KCNQ1: variants seen among roughly 807,000 people sequenced by gnomAD.
KCNQ1 encodes the protein potassium voltage-gated channel subfamily KQT member 1.
In KCNQ1, 49 loss-of-function variants were observed where a neutral mutation model predicts 72.4. That is an observed-to-expected ratio of 0.68 (90% CI 0.54 to 0.86). The LOEUF (loss-of-function observed/expected upper bound fraction) is 0.86. Ranked by LOEUF, KCNQ1 falls within the 40% of genes least tolerant of loss-of-function variation. The pLI, the probability that KCNQ1 is intolerant of heterozygous loss-of-function variation, is 0.00. For synonymous variants in KCNQ1, 450 were observed against 412.6 expected (o/e 1.09, Z -1.10); for missense variants, 790 against 945.1 (o/e 0.84, Z 2.15).
Position 2,817,180 on chromosome 11 carries a change from C to T in KCNQ1, c.1795-30587C>T, listed in dbSNP as rs373501190. Among the ~76,000 whole-genome samples the T allele has an allele frequency of 6.6e-5, 10 of 152,342 alleles. No homozygotes were observed. Among genetic ancestry groups the T allele is most frequent in the South Asian group, 4.1e-4 (2 of 4,828 alleles). On this transcript the variant is annotated intron_variant, in intron 15 of 15. Coordinates refer to ENST00000155840, the MANE Select transcript of KCNQ1 (RefSeq NM_000218.3). The surrounding 1 kb of genome is among the most constrained non-coding windows in gnomAD (Gnocchi z 6.1). ...TGCGCACGCTCCTTTCAAGGGTTAA[C>T]GGTGCAAGCTCCTCACGGCACCAGT...
In KCNQ1 at chr11:2,549,462, C is replaced by A. The variant is rs1029536769; in HGVS notation, c.478-21166C>A. 9.2e-5 allele frequency among the ~76,000 whole-genome samples: 14 copies of A among 152,160 alleles called. No individual in the cohort carries two copies. The highest frequency in any genetic ancestry group is 2.7e-4 in the African/African-American group (11 of 41,436). On this transcript the variant is annotated intron_variant, in intron 2 of 15. Coordinates refer to ENST00000155840, the MANE Select transcript of KCNQ1 (RefSeq NM_000218.3). This position sits in a 1 kb window ranked among gnomAD's most constrained non-coding sequence, Gnocchi z 6.2. ...GATTTTCTACCTCAAAGCGATGGAA[C>A]CCAGAAGACATGGGGCCCTCGAGGA... is the stretch of plus-strand genomic sequence containing the variant.
At chr11:2,837,883 C>G (rs910769598) in intron 15 of KCNQ1, among the ~76,000 whole-genome samples, 1 of 152,150 alleles carries the variant, frequency 6.6e-6, no homozygotes, top group African/African-American at 2.4e-5. Flanking sequence ...GCTGGTATCT[C>G]GAGAACAGCA....
At position 2,498,941 on chromosome 11, in the gene KCNQ1, A is replaced by T. The variant is rs1016898560; in HGVS notation, c.387-28987A>T. 1.3e-5 allele frequency among the ~76,000 whole-genome samples: 2 copies of T among 152,150 alleles called. No homozygotes were observed. The highest frequency in any genetic ancestry group is 4.8e-5 in the African/African-American group (2 of 41,440). On this transcript the variant is annotated intron_variant, in intron 1 of 15. Transcript: ENST00000155840. This position sits in a 1 kb window ranked among gnomAD's most constrained non-coding sequence, Gnocchi z 4.8. ...TTGATGGGTGCAGCAACTGCATGCA[A>T]ACTGCATGTTTGCAGTTCCCTCGGC...
At position 2,776,090 on chromosome 11, in the gene KCNQ1, A is replaced by G. The variant is rs163150; in HGVS notation, c.1685+36A>G. On this transcript the variant is annotated intron_variant, in intron 13 of 15. Coordinates refer to ENST00000155840, the MANE Select transcript of KCNQ1 (RefSeq NM_000218.3). ...CCAAACGGCAGCGGGGAGGGTGCCC[A>G]GGTCCTGCCCAGCCCGGCCCCAGCT... 1,030,036 of 1,522,216 alleles carry G rather than the reference A, an allele frequency of 0.68. 349,086 individuals are homozygous for G. Among genetic ancestry groups the G allele is most frequent in the South Asian group, 0.73 (60,827 of 83,486 alleles). 94.3% of individuals were successfully genotyped at this position (1,522,216 alleles called of 1,614,324 possible).
chr11:2,552,813 G>C (rs1031581147), intron 2 of KCNQ1, among the ~76,000 whole-genome samples: 5 of 151,758 alleles, frequency 3.3e-5, no homozygotes, highest in African/African-American at 1.2e-4. Context: ...TCCGATCCAC[G>C]AACACTGTCT....
At chr11:2,722,683 G>A (rs1033789637) in intron 11 of KCNQ1, among the ~76,000 whole-genome samples, 12 of 152,192 alleles carry the variant, frequency 7.9e-5, no homozygotes, top group African/African-American at 2.7e-4. Context: ...CTTCTCACGT[G>A]GTTGGGAGTC....
chr11:2,571,216 C>A (rs1390075770), intron 3 of KCNQ1, 109 bp from the exon 4 acceptor site: 6 of 900,080 alleles, frequency 6.7e-6, no homozygotes, highest in South Asian at 1.3e-5. Context: ...CAGGGCGTGA[C>A]CCGTCTGACC....
chr11:2,474,759 CT>C (rs1354971582), intron 1 of KCNQ1, among the ~76,000 whole-genome samples: 8 of 61,888 alleles, frequency 1.3e-4, no homozygotes, highest in African/African-American at 3.0e-4. Context: ...GCTGGTGGGA[CT>C]AGGTTAAGGC....
rs977577944 is a variant in KCNQ1 at position 2,695,491 on chromosome 11, C to T, written c.1514+33410C>T. The T allele has an allele frequency of 5.0e-6, 2 of 398,546 alleles. No homozygotes were observed. Among genetic ancestry groups the T allele is most frequent in the African/African-American group, 2.1e-5 (1 of 48,600 alleles). 24.7% of individuals were successfully genotyped at this position (398,546 alleles called of 1,614,324 possible). A position where few individuals can be genotyped will look rare whatever the true frequency, so the allele number is the denominator to read the frequency against. On this transcript the variant is annotated intron_variant, in intron 11 of 15. Transcript: ENST00000155840. The surrounding 1 kb of genome is among the most constrained non-coding windows in gnomAD (Gnocchi z 5.2). ...ACGCGTCTCTATCTTGTGAAGTGTA[C>T]ATCTAGTCCCCTGCTCCTAACCACA...
chr11:2,729,885 G>A (rs1254683069), intron 11 of KCNQ1, among the ~76,000 whole-genome samples: 1 of 152,146 alleles, frequency 6.6e-6, no homozygotes, highest in Non-Finnish European at 1.5e-5. Flanking sequence ...TTGTGGATGG[G>A]GTCGTGGAGG....
chr11:2,593,075 T>C lies in KCNQ1; in HGVS notation c.1393+4221T>C, dbSNP rs1422093754. Among the ~76,000 whole-genome samples, 2 of 152,110 alleles carry C rather than the reference T, an allele frequency of 1.3e-5. No homozygotes were observed. The highest frequency in any genetic ancestry group is 4.8e-5 in the African/African-American group (2 of 41,434). On this transcript the variant is annotated intron_variant, in intron 10 of 15. Coordinates refer to ENST00000155840, the MANE Select transcript of KCNQ1 (RefSeq NM_000218.3). The surrounding 1 kb of genome is among the most constrained non-coding windows in gnomAD (Gnocchi z 6.9). ...ACCAGGTTGTCCAGTCCCCTCCTCA[T>C]AGGGGAGTGGCCCTTTGTCTTTCAC...
chr11:2,844,935 C>T (rs910479801), intron 15 of KCNQ1, among the ~76,000 whole-genome samples: 1 of 152,238 alleles, frequency 6.6e-6, no homozygotes, highest in Non-Finnish European at 1.5e-5. Context: ...GTATGCGGGG[C>T]CCAGGGAGCT....
rs116118799 is a variant in KCNQ1 at position 2,628,048 on chromosome 11, A to T, written c.1394-33913A>T. The T allele has an allele frequency of 4.7e-3, 1,886 of 398,568 alleles. 33 individuals are homozygous for T. Among genetic ancestry groups the T allele is most frequent in the African/African-American group, 0.035 (1,721 of 48,744 alleles). 24.7% of individuals were successfully genotyped at this position (398,568 alleles called of 1,614,324 possible). A position where few individuals can be genotyped will look rare whatever the true frequency, so the allele number is the denominator to read the frequency against. ...ATTACAGGTACAAGCCACCATGCCT[A>T]TGAATACTATGTTGCTCATTTCTTG... is the stretch of plus-strand genomic sequence containing the variant. On this transcript the variant is annotated intron_variant, in intron 10 of 15. Coordinates refer to ENST00000155840, the MANE Select transcript of KCNQ1 (RefSeq NM_000218.3).
chr11:2,577,464 G>A (rs1224174053), intron 6 of KCNQ1, among the ~76,000 whole-genome samples: 1 of 152,186 alleles, frequency 6.6e-6, no homozygotes, highest in Non-Finnish European at 1.5e-5. Context: ...GGAAGACGCG[G>A]CCTGGGGCCT....
intron 11 of KCNQ1, among the ~76,000 whole-genome samples, chr11:2,702,870 C>G (rs1009204273): frequency 6.6e-6 from 1 of 152,220 alleles, no homozygotes; most frequent in African/African-American, 2.4e-5. Flanking sequence ...ATGTCCTCTG[C>G]TCCTCACCCC....
In KCNQ1 at chr11:2,507,361, C is replaced by T. The variant is rs184161755; in HGVS notation, c.387-20567C>T. Reference sequence around the variant, plus strand: ...GAGTGTGGGGTCATCGGGCAGGACACGAGATGCGCAGGAGGCTGTGACTGA... The same window carrying T: ...GAGTGTGGGGTCATCGGGCAGGACATGAGATGCGCAGGAGGCTGTGACTGA... On this transcript the variant is annotated intron_variant, in intron 1 of 15. Transcript: ENST00000155840. This position sits in a 1 kb window ranked among gnomAD's most constrained non-coding sequence, Gnocchi z 5.4. Among the ~76,000 whole-genome samples the T allele has an allele frequency of 1.9e-4, 29 of 152,156 alleles. No homozygotes were observed. In the East Asian group the frequency reaches 1.9e-3, roughly 10 times the overall value.
chr11:2,584,107 G>A (rs866368958), intron 7 of KCNQ1, among the ~76,000 whole-genome samples: 1 of 152,194 alleles, frequency 6.6e-6, no homozygotes, highest in African/African-American at 2.4e-5. Context: ...TGTATGTACT[G>A]TATGTGTGCG....
Position 2,484,656 on chromosome 11 carries a change from G to A in KCNQ1, c.386+39172G>A, listed in dbSNP as rs1449974814. Among the ~76,000 whole-genome samples, 1 of 152,186 alleles carries A rather than the reference G, an allele frequency of 6.6e-6. No homozygotes were observed. Among genetic ancestry groups the A allele is most frequent in the Non-Finnish European group, 1.5e-5 (1 of 68,032 alleles). ...AATCACCCACTTCTCCAAGGAGCCAGGGTTCCTTCCATTGGAGAGTGGTCT... is the reference window on the plus strand; with the variant it reads ...AATCACCCACTTCTCCAAGGAGCCAAGGTTCCTTCCATTGGAGAGTGGTCT... On this transcript the variant is annotated intron_variant, in intron 1 of 15. Transcript: ENST00000155840. The surrounding 1 kb of genome is among the most constrained non-coding windows in gnomAD (Gnocchi z 5.2).
Position 2,691,689 on chromosome 11 carries a change from C to T in KCNQ1, c.1514+29608C>T. Reference sequence around the variant, plus strand: ...ACAGAGAACCAGGTGGGGAAGGGGTCTCTCCCCATCTGTCCAGGGGAGAGG... The same window carrying T: ...ACAGAGAACCAGGTGGGGAAGGGGTTTCTCCCCATCTGTCCAGGGGAGAGG... On this transcript the variant is annotated intron_variant, in intron 11 of 15. Transcript: ENST00000155840. The surrounding 1 kb of genome is among the most constrained non-coding windows in gnomAD (Gnocchi z 6.4). The T allele has an allele frequency of 2.5e-6, 1 of 398,582 alleles. No individual in the cohort carries two copies. Among genetic ancestry groups the T allele is most frequent in the Non-Finnish European group, 4.4e-6 (1 of 226,076 alleles). 24.7% of individuals were successfully genotyped at this position (398,582 alleles called of 1,614,324 possible).
Sources: allele counts gnomAD v4.1 joint callset (sites outside exome capture counted in the v4.1 genomes callset), GRCh38; gene constraint gnomAD v4.1.1; non-coding constraint Gnocchi (gnomAD v3.1); transcripts MANE v1.5; gene names NCBI Gene and HGNC (gene_info 2026-07-23, HGNC 2026-07-21).